Variants in POLR2B observed in about 807,000 individuals in gnomAD.
The protein encoded by POLR2B is RNA polymerase II subunit B, also known as DNA-directed RNA polymerase II subunit RPB2.
Under a neutral mutation model 144.6 loss-of-function variants are expected in POLR2B, and 57 were observed. The ratio of observed to expected loss-of-function variants is 0.39; its 90% CI spans 0.32 to 0.49. POLR2B has a LOEUF of 0.49. Among genes scored for constraint, POLR2B ranks in the 20% least tolerant of loss-of-function variants. POLR2B has a pLI of 0.83. For synonymous variants in POLR2B, 442 were observed against 469.8 expected (o/e 0.94, Z 0.77); for missense variants, 595 against 1,467.4 (o/e 0.41, Z 9.71).
At chr4:57,005,814 C>A in intron 9 of POLR2B, 95 bp downstream of exon 9, 1 of 1,107,556 alleles carries the variant, frequency 9.0e-7, no homozygotes, top group Non-Finnish European at 1.3e-6. Flanking sequence ...TGTTGGCATC[C>A]ACGTTGGGTA....
intron 16 of POLR2B, among the ~76,000 whole-genome samples, chr4:57,020,412 A>T (rs1217177008): frequency 6.6e-6 from 1 of 152,132 alleles, no homozygotes; most frequent in Non-Finnish European, 1.5e-5. Context: ...GGTGGGAAAG[A>T]TATGATATTT....
At chr4:56,982,441 A>G (rs1052371470) in intron 1 of POLR2B, among the ~76,000 whole-genome samples, 3 of 152,196 alleles carry the variant, frequency 2.0e-5, no homozygotes, top group East Asian at 3.9e-4. Context: ...GCATGGTGGC[A>G]TGTGCCTGTG....
intron 1 of POLR2B, among the ~76,000 whole-genome samples, chr4:56,980,036 T>C (rs745881127): frequency 6.6e-6 from 1 of 152,006 alleles, no homozygotes; most frequent in Non-Finnish European, 1.5e-5. Context: ...CCTCTCTCTA[T>C]TCCCTCAGGT....
Position 57,020,978 on chromosome 4 carries a change from A to G in POLR2B, c.2403A>G (p.Val801=), listed in dbSNP as rs780896288. 4.4e-6 allele frequency: 7 copies of G among 1,592,244 alleles called. No individual in the cohort carries two copies. The highest frequency in any genetic ancestry group is 6.0e-6 in the Non-Finnish European group (7 of 1,159,956). The change falls in exon 17 of 25, where the codon GTA becomes GTG. Residue 801 remains valine (V), a synonymous_variant. Coordinates refer to ENST00000314595, the MANE Select transcript of POLR2B (RefSeq NM_000938.3). ...CTGTTATCATGAATCGTTCAGCTGT[A>G]GACCGCGGCTTCTTCAGGTTAGTAT... is the stretch of plus-strand genomic sequence containing the variant. ...EDSVIMNRSA[V]DRGFFRSVFY... is the part of the protein sequence containing the mutation.
At chr4:57,029,447 T>C (rs942140975) in intron 23 of POLR2B, among the ~76,000 whole-genome samples, 1 of 152,214 alleles carries the variant, frequency 6.6e-6, no homozygotes, top group Admixed American at 6.5e-5. Context: ...AGATCAGTGG[T>C]CCAAAGTCGA....
rs141226128 is a variant in POLR2B, at chr4:57,030,695, A to G, written c.3436-204A>G. On this transcript the variant is annotated intron_variant, in intron 24 of 24. Coordinates refer to ENST00000314595, the MANE Select transcript of POLR2B (RefSeq NM_000938.3). ...AACCTTTTAGTTGAGGTGGGTGAAT[A>G]TAAATTATGTCTGGCAGAATGGGTA... 6.9e-3 allele frequency: 3,909 copies of G among 562,764 alleles called. 40 individuals carry two copies. Among genetic ancestry groups the G allele is most frequent in the Middle Eastern group, 0.029 (62 of 2,160 alleles). 34.9% of individuals were successfully genotyped at this position (562,764 alleles called of 1,614,324 possible).
intron 2 of POLR2B, among the ~76,000 whole-genome samples, chr4:56,987,103 G>T (rs1033773899): frequency 1.3e-5 from 2 of 152,050 alleles, no homozygotes; most frequent in African/African-American, 4.8e-5. Context: ...GTTTAGGTTT[G>T]TCTGATATTT....
chr4:57,026,124 G>C (rs1175580642), intron 23 of POLR2B, among the ~76,000 whole-genome samples: 1 of 152,124 alleles, frequency 6.6e-6, no homozygotes. Context: ...TGTAATCCCA[G>C]CTACTCGGGA....
intron 1 of POLR2B, among the ~76,000 whole-genome samples, chr4:56,980,857 T>C (rs1045240455): frequency 5.3e-5 from 8 of 151,288 alleles, no homozygotes. Context: ...CAGGCTTGAG[T>C]GTGGTGGCGC....
chr4:56,979,788 A>T (rs1722097022), intron 1 of POLR2B, among the ~76,000 whole-genome samples: 1 of 151,364 alleles, frequency 6.6e-6, no homozygotes, highest in South Asian at 2.1e-4. Flanking sequence ...AATCCCAGCT[A>T]CTCGGGAGGC....
At chr4:56,994,928 A>AT in intron 5 of POLR2B, 62 bp downstream of exon 5, 23 of 866,190 alleles carry the variant, frequency 2.7e-5, no homozygotes, top group Non-Finnish European at 3.5e-5. Flanking sequence ...TAAAGTTGAA[A>AT]TGAAAAAAAA....
chr4:56,986,150 A>G (rs1326731217), intron 1 of POLR2B: 2 of 565,054 alleles, frequency 3.5e-6, no homozygotes, highest in Non-Finnish European at 6.3e-6. Context: ...CTTTCTAATA[A>G]ACCTCTTTTT....
intron 14 of POLR2B, among the ~76,000 whole-genome samples, chr4:57,015,997 G>C (rs1034336137): frequency 1.3e-5 from 2 of 152,168 alleles, no homozygotes; most frequent in Admixed American, 1.3e-4. Context: ...GGTCTCAGGT[G>C]ATCCGCCTGC....
chr4:56,988,433 G>A (rs984311821), intron 2 of POLR2B, among the ~76,000 whole-genome samples: 5 of 152,108 alleles, frequency 3.3e-5, no homozygotes, highest in African/African-American at 9.7e-5. Context: ...GGAGGCTGAG[G>A]CCGGTGGATG....
intron 2 of POLR2B, among the ~76,000 whole-genome samples, chr4:56,989,120 TAAAC>T (rs1268862850): frequency 1.3e-5 from 2 of 152,190 alleles, no homozygotes; most frequent in Non-Finnish European, 2.9e-5. Context: ...TCAGGTAAAA[TAAAC>T]AGAGTAGAGA....
intron 23 of POLR2B, among the ~76,000 whole-genome samples, chr4:57,025,774 A>G (rs1043758196): frequency 2.6e-5 from 4 of 151,940 alleles, no homozygotes; most frequent in African/African-American, 4.8e-5. Flanking sequence ...GTGCAGTGGC[A>G]TGCCCACAGC....
chr4:56,980,189 GT>G (rs1722112936), intron 1 of POLR2B, among the ~76,000 whole-genome samples: 1 of 150,878 alleles, frequency 6.6e-6, no homozygotes, highest in Admixed American at 6.6e-5. Context: ...GCCTCCCAAA[GT>G]GCTGGGATTA....
chr4:57,029,039 G>A (rs1723821595), intron 23 of POLR2B, among the ~76,000 whole-genome samples: 1 of 152,084 alleles, frequency 6.6e-6, no homozygotes, highest in African/African-American at 2.4e-5. Context: ...GAATTTTGCT[G>A]CTTGCATCCC....
At chr4:56,994,910 A>T in intron 5 of POLR2B, 44 bp downstream of exon 5, 1 of 1,138,102 alleles carries the variant, frequency 8.8e-7, no homozygotes, top group Non-Finnish European at 1.3e-6. Flanking sequence ...GGTAGTTAAA[A>T]TTTAGTTTAA....
Sources: allele counts gnomAD v4.1 joint callset (sites outside exome capture counted in the v4.1 genomes callset), GRCh38; gene constraint gnomAD v4.1.1; transcripts MANE v1.5; gene names NCBI Gene and HGNC (gene_info 2026-07-23, HGNC 2026-07-21).